Variants in PHYHIPL observed in about 807,000 individuals in gnomAD.
PHYHIPL encodes phytanoyl-CoA hydroxylase-interacting protein-like.
PHYHIPL carries 9 observed loss-of-function variants against 33.4 expected under a neutral mutation model. The observed-to-expected ratio is 0.27, with a 90% confidence interval of 0.16 to 0.47. PHYHIPL has a LOEUF of 0.47. Ranked by LOEUF, PHYHIPL falls within the 20% of genes least tolerant of loss-of-function variation. PHYHIPL has a pLI of 0.99. For synonymous variants in PHYHIPL, 153 were observed against 154.1 expected (o/e 0.99, Z 0.05); for missense variants, 365 against 460.7 (o/e 0.79, Z 1.90).
chr10:59,244,070 T>G (rs1238377722), intron 4 of PHYHIPL, among the ~76,000 whole-genome samples: 1 of 152,070 alleles, frequency 6.6e-6, no homozygotes, highest in Admixed American at 6.5e-5. Flanking sequence ...CTCCTCCTAC[T>G]CTATATATGC....
intron 1 of PHYHIPL, among the ~76,000 whole-genome samples, chr10:59,211,677 A>AAAAG (rs1726675333): frequency 1.3e-5 from 2 of 151,140 alleles, no homozygotes; most frequent in Non-Finnish European, 3.0e-5. Flanking sequence ...AAAAAAAAAA[A>AAAAG]AAAAAAAAAA....
chr10:59,185,136 G>A (rs1364410408), intron 1 of PHYHIPL, among the ~76,000 whole-genome samples: 15 of 149,934 alleles, frequency 1.0e-4, no homozygotes, highest in African/African-American at 2.9e-4. Context: ...GACTACAGGC[G>A]CCCGCCACTA....
intron 1 of PHYHIPL, among the ~76,000 whole-genome samples, chr10:59,199,676 TC>T (rs1222817463): frequency 6.6e-6 from 1 of 152,220 alleles, no homozygotes; most frequent in Non-Finnish European, 1.5e-5. Context: ...TATTGATTCT[TC>T]CTATCCATGA....
chr10:59,177,054 G>A, intron 1 of PHYHIPL, 95 bp downstream of exon 1: 1 of 1,097,768 alleles, frequency 9.1e-7, no homozygotes, highest in Non-Finnish European at 1.3e-6. Flanking sequence ...CAGGGCGGCA[G>A]GGTCTTTTGT....
intron 1 of PHYHIPL, among the ~76,000 whole-genome samples, chr10:59,203,093 G>A (rs893010056): frequency 6.6e-6 from 1 of 152,084 alleles, no homozygotes; most frequent in African/African-American, 2.4e-5. Flanking sequence ...AACCCCATCA[G>A]AAGGTGGGCA....
At chr10:59,200,550 A>G (rs1364020229) in intron 1 of PHYHIPL, among the ~76,000 whole-genome samples, 1 of 152,154 alleles carries the variant, frequency 6.6e-6, no homozygotes, top group African/African-American at 2.4e-5. Context: ...AGGCTTTGGT[A>G]TCAGGATGGT....
intron 1 of PHYHIPL, among the ~76,000 whole-genome samples, chr10:59,227,975 G>GATAGATATATATATATATAT (rs1554799095): frequency 4.8e-5 from 7 of 145,566 alleles, no homozygotes; most frequent in African/African-American, 1.6e-4. Flanking sequence ...TGCCTATTGA[G>GATAGATATATATATATATAT]ATATATATAT....
intron 1 of PHYHIPL, among the ~76,000 whole-genome samples, chr10:59,231,900 T>C (rs999821406): frequency 6.6e-6 from 1 of 151,986 alleles, no homozygotes; most frequent in Non-Finnish European, 1.5e-5. Flanking sequence ...AGCTGGAAAT[T>C]GATAGCAAAA....
chr10:59,226,992 A>T (rs1477736115), intron 1 of PHYHIPL, among the ~76,000 whole-genome samples: 1 of 152,228 alleles, frequency 6.6e-6, no homozygotes, highest in Non-Finnish European at 1.5e-5. Flanking sequence ...AATATAAAAG[A>T]TGCACCTAAA....
At chr10:59,181,817 G>C (rs1838419139) in intron 1 of PHYHIPL, among the ~76,000 whole-genome samples, 6 of 140,910 alleles carry the variant, frequency 4.3e-5, no homozygotes, top group Admixed American at 4.0e-4. Flanking sequence ...GGGAAGACCA[G>C]GAAGTTACTA....
intron 1 of PHYHIPL, among the ~76,000 whole-genome samples, chr10:59,214,643 A>G (rs1163507099): frequency 6.6e-6 from 1 of 152,096 alleles, no homozygotes; most frequent in Non-Finnish European, 1.5e-5. Context: ...GGAAATATAA[A>G]TACAAGATGG....
chr10:59,192,878 A>G (rs1218453430), intron 1 of PHYHIPL, among the ~76,000 whole-genome samples: 3 of 152,170 alleles, frequency 2.0e-5, no homozygotes. Flanking sequence ...AAGCGATTAC[A>G]GTTCTTTCTG....
chr10:59,219,814 T>C (rs898450728), intron 1 of PHYHIPL, among the ~76,000 whole-genome samples: 4 of 152,140 alleles, frequency 2.6e-5, no homozygotes, highest in African/African-American at 7.2e-5. Context: ...TAGAATCATG[T>C]AGTAATTTCA....
chr10:59,199,215 T>A (rs1196659830), intron 1 of PHYHIPL, among the ~76,000 whole-genome samples: 1 of 152,240 alleles, frequency 6.6e-6, no homozygotes, highest in Non-Finnish European at 1.5e-5. Flanking sequence ...CTTTAATCCA[T>A]CTTGAACTAA....
At chr10:59,210,344 A>G (rs1031479650) in intron 1 of PHYHIPL, among the ~76,000 whole-genome samples, 46 of 152,380 alleles carry the variant, frequency 3.0e-4, no homozygotes, top group African/African-American at 9.9e-4. Context: ...ATCACTGGTC[A>G]TTAGAGAAAT....
chr10:59,238,463 G>T, intron 3 of PHYHIPL, 125 bp from the exon 4 acceptor site: 1 of 481,304 alleles, frequency 2.1e-6, no homozygotes. Context: ...TTTTTTAAAT[G>T]GAATTTCCTA....
At position 59,245,838 on chromosome 10, in the gene PHYHIPL, T is replaced by A; in HGVS notation, c.*247T>A. On this transcript the variant is annotated 3_prime_UTR_variant, in exon 5 of 5. Coordinates refer to ENST00000373880, the MANE Select transcript of PHYHIPL (RefSeq NM_032439.4). ...GTTCTCCTTTTGACACTTTATTGCC[T>A]AGATGCTGCAATGTTTTTATGTTTC... The A allele has an allele frequency of 2.2e-6, 1 of 450,220 alleles. No individual in the cohort carries two copies. The highest frequency in any genetic ancestry group is 3.7e-5 in the East Asian group (1 of 26,770). 27.9% of individuals were successfully genotyped at this position (450,220 alleles called of 1,614,324 possible).
intron 1 of PHYHIPL, among the ~76,000 whole-genome samples, chr10:59,223,799 A>T (rs544126157): frequency 6.6e-6 from 1 of 152,122 alleles, no homozygotes; most frequent in East Asian, 1.9e-4. Context: ...AGCTGAGACT[A>T]GGGGTGCATG....
chr10:59,217,929 A>G (rs900803021), intron 1 of PHYHIPL, among the ~76,000 whole-genome samples: 2 of 152,112 alleles, frequency 1.3e-5, no homozygotes, highest in African/African-American at 2.4e-5. Flanking sequence ...ACCTTGGACT[A>G]AGATCAGACT....
Sources: gnomAD v4.1 joint callset for allele counts (sites outside exome capture counted in the v4.1 genomes callset) on GRCh38, gnomAD v4.1.1 for gene constraint, MANE v1.5 for transcripts, NCBI Gene and HGNC (gene_info 2026-07-23, HGNC 2026-07-21) for gene names.